Variants in PEBP4 observed in about 807,000 individuals in gnomAD.
The protein encoded by PEBP4 is phosphatidylethanolamine-binding protein 4.
A neutral mutation model predicts 23.9 loss-of-function variants in PEBP4; 22 were observed. The ratio of observed to expected loss-of-function variants is 0.92; its 90% CI spans 0.66 to 1.31. The LOEUF (loss-of-function observed/expected upper bound fraction) is 1.31. Among genes scored for constraint, PEBP4 ranks in the 40% most tolerant of loss-of-function variants. The pLI is 0.00. For missense variants in PEBP4, 324 were observed against 281.7 expected (o/e 1.15, Z -1.07); for synonymous variants, 112 against 99.3 (o/e 1.13, Z -0.76).
intron 3 of PEBP4, chr8:22,896,065 A>G (rs1426770555): frequency 6.6e-6 from 1 of 152,218 alleles, no homozygotes; most frequent in Non-Finnish European, 1.5e-5. Flanking sequence ...GGTTGGAGAG[A>G]TGAAACCATG....
intron 3 of PEBP4, among the ~76,000 whole-genome samples, chr8:22,851,519 G>T (rs936184859): frequency 2.0e-5 from 3 of 152,134 alleles, no homozygotes; most frequent in African/African-American, 7.2e-5. Flanking sequence ...ACTGAGCTCA[G>T]GAAAGCTAAG....
intron 4 of PEBP4, among the ~76,000 whole-genome samples, chr8:22,737,871 G>A (rs1056492932): frequency 6.6e-6 from 1 of 152,166 alleles, no homozygotes; most frequent in African/African-American, 2.4e-5. Flanking sequence ...GTCCCGCAGC[G>A]CCGTCCAAGT....
chr8:22,733,242 G>A (rs1421573259), intron 4 of PEBP4, among the ~76,000 whole-genome samples: 2 of 152,164 alleles, frequency 1.3e-5, no homozygotes, highest in African/African-American at 4.8e-5. Context: ...CCTATGAGAC[G>A]CTCGGCACAC....
chr8:22,741,173 G>T (rs185524262), intron 4 of PEBP4, among the ~76,000 whole-genome samples: 200 of 152,300 alleles, frequency 1.3e-3, no homozygotes, highest in African/African-American at 4.6e-3. Context: ...CAGCAGTCAG[G>T]CAACTTCCTC....
intron 4 of PEBP4, among the ~76,000 whole-genome samples, chr8:22,787,459 C>A (rs1411285309): frequency 2.6e-5 from 4 of 152,138 alleles, no homozygotes; most frequent in African/African-American, 7.2e-5. Context: ...GAGGGGGATA[C>A]CAACATTTTG....
chr8:22,868,887 C>T (rs1029556468), intron 3 of PEBP4, among the ~76,000 whole-genome samples: 2 of 152,166 alleles, frequency 1.3e-5, no homozygotes, highest in Non-Finnish European at 2.9e-5. Context: ...CCAGAGAAGT[C>T]GTGTTCAAAC....
intron 3 of PEBP4, among the ~76,000 whole-genome samples, chr8:22,909,225 C>T (rs560304093): frequency 2.6e-5 from 4 of 152,292 alleles, no homozygotes; most frequent in African/African-American, 9.6e-5. Context: ...TCCGCCTACC[C>T]GCCAGCGAGG....
At chr8:22,719,528 G>T (rs1804479058) in intron 6 of PEBP4, among the ~76,000 whole-genome samples, 1 of 152,156 alleles carries the variant, frequency 6.6e-6, no homozygotes, top group African/African-American at 2.4e-5. Flanking sequence ...GGAGGCCTGG[G>T]ACAGCAGGAT....
chr8:22,869,180 T>C (rs1807961162), intron 3 of PEBP4, among the ~76,000 whole-genome samples: 1 of 152,194 alleles, frequency 6.6e-6, no homozygotes, highest in South Asian at 2.1e-4. Context: ...AATATCCCTT[T>C]CTCAGTGAAG....
chr8:22,870,093 C>T (rs1293810490), intron 3 of PEBP4, among the ~76,000 whole-genome samples: 1 of 152,216 alleles, frequency 6.6e-6, no homozygotes, highest in Non-Finnish European at 1.5e-5. Context: ...GGTTTCAAGA[C>T]ACAAAACCTG....
intron 3 of PEBP4, among the ~76,000 whole-genome samples, chr8:22,918,749 T>C (rs1003187832): frequency 6.6e-6 from 1 of 152,130 alleles, no homozygotes; most frequent in Admixed American, 6.5e-5. Flanking sequence ...CAGAGTAGCA[T>C]ATACTCCTCT....
chr8:22,798,953 G>A (rs1439790344), intron 4 of PEBP4, among the ~76,000 whole-genome samples: 1 of 151,760 alleles, frequency 6.6e-6, no homozygotes, highest in African/African-American at 2.4e-5. Context: ...GGTCAGGCTG[G>A]TCTCGAACTC....
At chr8:22,757,403 G>A (rs1212549985) in intron 4 of PEBP4, 1 of 152,264 alleles carries the variant, frequency 6.6e-6, no homozygotes, top group African/African-American at 2.4e-5. Flanking sequence ...TGCCCAGCTC[G>A]ACCCAGAAGA....
At chr8:22,816,633 A>C (rs1297062004) in intron 4 of PEBP4, among the ~76,000 whole-genome samples, 1 of 152,242 alleles carries the variant, frequency 6.6e-6, no homozygotes, top group Non-Finnish European at 1.5e-5. Flanking sequence ...GCAAGATGAA[A>C]TGCCCAGAGG....
intron 4 of PEBP4, among the ~76,000 whole-genome samples, chr8:22,809,379 G>T (rs1806568806): frequency 6.6e-6 from 1 of 152,126 alleles, no homozygotes; most frequent in Non-Finnish European, 1.5e-5. Flanking sequence ...AGGTAGAGGT[G>T]CCACCAATCT....
intron 4 of PEBP4, among the ~76,000 whole-genome samples, chr8:22,785,468 AT>A (rs533684054): frequency 1.6e-4 from 24 of 152,148 alleles, no homozygotes; most frequent in South Asian, 1.5e-3. Context: ...TATCTCTGGA[AT>A]GGGGTAAGGC....
intron 3 of PEBP4, among the ~76,000 whole-genome samples, chr8:22,863,126 G>C (rs1222512076): frequency 6.6e-6 from 1 of 152,140 alleles, no homozygotes; most frequent in Non-Finnish European, 1.5e-5. Flanking sequence ...ATACTGGAAA[G>C]TTGACCCTGG....
intron 4 of PEBP4, among the ~76,000 whole-genome samples, chr8:22,795,336 G>A (rs1202925703): frequency 1.3e-5 from 2 of 150,744 alleles, no homozygotes; most frequent in South Asian, 2.1e-4. Flanking sequence ...CCACCACTCC[G>A]GGCTAATTTT....
chr8:22,882,546 C>T (rs1019877041), intron 3 of PEBP4, among the ~76,000 whole-genome samples: 2 of 152,164 alleles, frequency 1.3e-5, no homozygotes, highest in African/African-American at 4.8e-5. Flanking sequence ...CTCAAACTGG[C>T]AGAAAAGGGA....
Sources: allele counts gnomAD v4.1 joint callset (sites outside exome capture counted in the v4.1 genomes callset), GRCh38; gene constraint gnomAD v4.1.1; transcripts MANE v1.5; gene names NCBI Gene and HGNC (gene_info 2026-07-23, HGNC 2026-07-21).